SLC4A4: variants seen among roughly 807,000 people sequenced by gnomAD.
SLC4A4 encodes solute carrier family 4 member 4, also known as electrogenic sodium bicarbonate cotransporter 1.
SLC4A4 carries 27 observed loss-of-function variants against 111.5 expected under a neutral mutation model. The ratio of observed to expected loss-of-function variants is 0.24; its 90% confidence interval spans 0.18 to 0.33. SLC4A4 has a LOEUF of 0.33. Among genes scored for constraint, SLC4A4 ranks in the 10% least tolerant of loss-of-function variants. SLC4A4 has a pLI of 1.00. For synonymous variants in SLC4A4, 443 were observed against 463.4 expected, an observed-to-expected ratio of 0.96 and a Z score of 0.57; for missense variants, 909 against 1,315.5, an observed-to-expected ratio of 0.69 and a Z score of 4.78.
intron 16 of SLC4A4, among the ~76,000 whole-genome samples, chr4:71,530,093 T>G (rs1320405640): frequency 6.6e-6 from 1 of 152,170 alleles, no homozygotes; most frequent in African/African-American, 2.4e-5. Context: ...CTCCAGATAC[T>G]TCTAACCAAA....
chr4:71,063,502 A>C (rs1741437760), intron 1 of SLC4A4, among the ~76,000 whole-genome samples: 1 of 152,104 alleles, frequency 6.6e-6, no homozygotes. Flanking sequence ...ATTCTCAATA[A>C]GAAAAAAGAA....
intron 1 of SLC4A4, among the ~76,000 whole-genome samples, chr4:71,189,481 G>A: frequency 6.6e-6 from 1 of 152,164 alleles, no homozygotes; most frequent in Admixed American, 6.5e-5. Context: ...TAGAAATCGG[G>A]TAACCTTTGG....
intron 7 of SLC4A4, among the ~76,000 whole-genome samples, chr4:71,409,732 C>A (rs1402295282): frequency 6.6e-6 from 1 of 152,196 alleles, no homozygotes; most frequent in Non-Finnish European, 1.5e-5. Flanking sequence ...ATGTTATTCC[C>A]CAAGACCATG....
intron 1 of SLC4A4, among the ~76,000 whole-genome samples, chr4:71,221,907 G>T (rs948595811): frequency 6.6e-6 from 1 of 152,152 alleles, no homozygotes; most frequent in East Asian, 1.9e-4. Context: ...TTCTGACATG[G>T]TGCTGTAGGA....
intron 6 of SLC4A4, among the ~76,000 whole-genome samples, chr4:71,384,291 A>G (rs1718448474): frequency 6.6e-6 from 1 of 152,180 alleles, no homozygotes; most frequent in Admixed American, 6.5e-5. Flanking sequence ...CTTCTTTCTC[A>G]GACTTACAGC....
At chr4:71,419,439 T>C (rs1722153421) in intron 7 of SLC4A4, among the ~76,000 whole-genome samples, 2 of 152,228 alleles carry the variant, frequency 1.3e-5, no homozygotes, top group South Asian at 2.1e-4. Context: ...CCTTGCAGTT[T>C]GATCTCAGAC....
chr4:71,546,153 C>G (rs1735501439), intron 18 of SLC4A4, among the ~76,000 whole-genome samples, 197 bp from the exon 19 acceptor site: 1 of 152,024 alleles, frequency 6.6e-6, no homozygotes, highest in Non-Finnish European at 1.5e-5. Context: ...TCTACCATAG[C>G]AGCTATAAGA....
intron 1 of SLC4A4, among the ~76,000 whole-genome samples, chr4:71,086,913 G>T (rs1311969995): frequency 6.6e-6 from 1 of 151,984 alleles, no homozygotes; most frequent in Admixed American, 6.5e-5. Flanking sequence ...GATGGTGCTG[G>T]CCTCACAAAA....
chr4:71,536,012 C>A (rs938591220), intron 18 of SLC4A4, among the ~76,000 whole-genome samples: 2 of 151,972 alleles, frequency 1.3e-5, no homozygotes, highest in Non-Finnish European at 2.9e-5. Flanking sequence ...AATGACTTTC[C>A]CCCTATGCCC....
At chr4:71,442,168 T>C (rs539115684) in intron 8 of SLC4A4, among the ~76,000 whole-genome samples, 24 of 152,258 alleles carry the variant, frequency 1.6e-4, no homozygotes, top group Non-Finnish European at 2.6e-4. Context: ...AAATAAAAAA[T>C]GCTTTAAAAG....
chr4:71,367,800 A>G (rs1731463609), intron 6 of SLC4A4, among the ~76,000 whole-genome samples: 1 of 152,222 alleles, frequency 6.6e-6, no homozygotes, highest in South Asian at 2.1e-4. Context: ...TTAAACACAG[A>G]CAGATAAATT....
chr4:71,486,277 G>T (rs1038821788), intron 14 of SLC4A4, among the ~76,000 whole-genome samples: 1 of 151,286 alleles, frequency 6.6e-6, no homozygotes, highest in Admixed American at 6.6e-5. Flanking sequence ...TTAATTTTCA[G>T]ACACATAAAA....
chr4:71,502,101 A>G (rs1385472797), intron 16 of SLC4A4, among the ~76,000 whole-genome samples: 1 of 152,180 alleles, frequency 6.6e-6, no homozygotes, highest in Non-Finnish European at 1.5e-5. Flanking sequence ...AACTGGGATT[A>G]CAGGCGCTTG....
rs144861300 is a variant in SLC4A4 at position 71,163,967 on chromosome 4, C to T, written c.-2+71175C>T. Among the ~76,000 whole-genome samples, 630 of 152,288 alleles carry T rather than the reference C, an allele frequency of 4.1e-3. 7 individuals are homozygous for T. Among genetic ancestry groups the T allele is most frequent in the African/African-American group, 0.014 (588 of 41,562 alleles). On this transcript the variant is annotated intron_variant, in intron 2 of 26. Transcript: ENST00000649996. ...TCTTCAGAAAAAAGGAAAAGCAGCC[C>T]GAGTGTGGTGGCTCACGCCTATAAT... is the stretch of plus-strand genomic sequence containing the variant.
chr4:71,571,080 A>G lies in SLC4A4; in HGVS notation c.*3329A>G, dbSNP rs1176503206. On this transcript the variant is annotated 3_prime_UTR_variant, in exon 26 of 26. Transcript: ENST00000264485. The stretch of plus-strand genomic sequence containing the variant: ...CCAACCCATACAGAGTAAATCTTTT[A>G]TCAACTGTATACTGGTGTTTAATAG... 1.3e-5 allele frequency: 2 copies of G among 152,258 alleles called. No homozygotes were observed. Among genetic ancestry groups the G allele is most frequent in the African/African-American group, 4.8e-5 (2 of 41,408 alleles). The allele number at this position is 152,258 out of a possible 1,614,324, so 9.4% of individuals were successfully genotyped here.
chr4:71,137,708 C>A (rs1467405926), intron 2 of SLC4A4, among the ~76,000 whole-genome samples: 1 of 152,190 alleles, frequency 6.6e-6, no homozygotes, highest in Non-Finnish European at 1.5e-5. Flanking sequence ...GCTCCAAGGG[C>A]AGCTCTAATC....
intron 3 of SLC4A4, among the ~76,000 whole-genome samples, chr4:71,337,937 T>A (rs1397539242): frequency 6.6e-6 from 1 of 151,912 alleles, no homozygotes; most frequent in Non-Finnish European, 1.5e-5. Flanking sequence ...TCAAGCCATT[T>A]TCCTGCCTCA....
intron 2 of SLC4A4, among the ~76,000 whole-genome samples, chr4:71,096,199 A>G (rs1742544107): frequency 6.6e-6 from 1 of 152,162 alleles, no homozygotes; most frequent in South Asian, 2.1e-4. Context: ...CTGACTCACA[A>G]AGGTAGAAAA....
In SLC4A4 at chr4:71,464,708, A is replaced by G. The variant is rs76478267; in HGVS notation, c.1498-1736A>G. Among the ~76,000 whole-genome samples the G allele has an allele frequency of 2.7e-3, 411 of 152,206 alleles. 3 individuals are homozygous for G. The highest frequency in any genetic ancestry group is 9.5e-3 in the African/African-American group (395 of 41,544). ...CGTCATCCCAACTACATTATTATCTAGTGCTGCTCTAAAGGATTTTTGTTT... is the reference window on the plus strand; with the variant it reads ...CGTCATCCCAACTACATTATTATCTGGTGCTGCTCTAAAGGATTTTTGTTT... On this transcript the variant is annotated intron_variant, in intron 12 of 25. Coordinates refer to ENST00000264485, the MANE Select transcript of SLC4A4 (RefSeq NM_001098484.3).
Sources: gnomAD v4.1 joint callset for allele counts (sites outside exome capture counted in the v4.1 genomes callset) on GRCh38, gnomAD v4.1.1 for gene constraint, MANE v1.5 for transcripts, NCBI Gene and HGNC (gene_info 2026-07-23, HGNC 2026-07-21) for gene names.